Variants in SLC39A11 observed in about 807,000 individuals in gnomAD.
SLC39A11 encodes zinc transporter ZIP11.
In SLC39A11, 33 loss-of-function variants were observed where a neutral mutation model predicts 36.1. The ratio of observed to expected loss-of-function variants is 0.91; its 90% CI spans 0.69 to 1.22. The LOEUF (loss-of-function observed/expected upper bound fraction) is 1.22, where lower values mean the gene tolerates loss of function less well. Among genes scored for constraint, SLC39A11 ranks in the 50% most tolerant of loss-of-function variants. SLC39A11 has a pLI of 0.00. For synonymous variants in SLC39A11, 166 were observed against 170.3 expected (o/e 0.97, Z 0.20); for missense variants, 432 against 430.3 (o/e 1.00, Z -0.03).
intron 3 of SLC39A11, among the ~76,000 whole-genome samples, chr17:73,037,101 G>A (rs898338000): frequency 2.6e-5 from 4 of 152,160 alleles, no homozygotes; most frequent in African/African-American, 9.7e-5. Context: ...CTATTGTCTG[G>A]ATGTACCACA....
intron 6 of SLC39A11, among the ~76,000 whole-genome samples, chr17:72,816,872 C>A (rs538822386): frequency 6.6e-6 from 1 of 152,162 alleles, no homozygotes; most frequent in African/African-American, 2.4e-5. Flanking sequence ...GTTCTTTTTC[C>A]AAAAGTAAAA....
chr17:72,799,777 C>T (rs78959771), intron 6 of SLC39A11, among the ~76,000 whole-genome samples: 2 of 151,776 alleles, frequency 1.3e-5, no homozygotes, highest in African/African-American at 4.8e-5. Flanking sequence ...AATATGTGCA[C>T]CGCTGAACAC....
At chr17:72,727,616 C>CACTCCAGCCTGGGTGAAAGAGTGAG (rs561269177) in intron 7 of SLC39A11, among the ~76,000 whole-genome samples, 1,529 of 144,334 alleles carry the variant, frequency 0.011, 15 homozygotes, top group Middle Eastern at 0.024. Flanking sequence ...CGTGCCACTG[C>CACTCCAGCCTGGGTGAAAGAGTGAG]ACTCCAGCCT....
chr17:73,008,102 C>CA (rs540317377), intron 4 of SLC39A11, among the ~76,000 whole-genome samples: 683 of 50,960 alleles, frequency 0.013, 6 homozygotes, highest in African/African-American at 0.025. Flanking sequence ...GACTCAGTCT[C>CA]AAAAAAAAGA....
chr17:72,772,619 G>A (rs897945723), intron 6 of SLC39A11, among the ~76,000 whole-genome samples: 5 of 152,212 alleles, frequency 3.3e-5, no homozygotes, highest in African/African-American at 1.2e-4. Flanking sequence ...AGGAGGTATA[G>A]GCTTCCTGTA....
chr17:73,034,704 TC>T (rs2058848128), intron 3 of SLC39A11, among the ~76,000 whole-genome samples: 1 of 152,110 alleles, frequency 6.6e-6, no homozygotes, highest in African/African-American at 2.4e-5. Context: ...TTGAGAGACG[TC>T]CCCAACCTCT....
chr17:72,984,651 C>T (rs1348133530), intron 4 of SLC39A11, among the ~76,000 whole-genome samples: 1 of 152,198 alleles, frequency 6.6e-6, no homozygotes, highest in Non-Finnish European at 1.5e-5. Flanking sequence ...GCAAGACCTC[C>T]AGGGGATTCT....
chr17:72,690,714 T>C (rs544886573), intron 7 of SLC39A11, among the ~76,000 whole-genome samples: 1 of 152,226 alleles, frequency 6.6e-6, no homozygotes, highest in Admixed American at 6.5e-5. Flanking sequence ...ATGCACCCTG[T>C]GGTGGTGGGA....
intron 6 of SLC39A11, among the ~76,000 whole-genome samples, chr17:72,819,453 G>C: frequency 6.6e-6 from 1 of 151,346 alleles, no homozygotes; most frequent in Non-Finnish European, 1.5e-5. Context: ...GTGGCCATTT[G>C]TTCCATAAGC....
intron 5 of SLC39A11, among the ~76,000 whole-genome samples, chr17:72,852,801 C>A (rs377674363): frequency 1.3e-5 from 2 of 152,318 alleles, no homozygotes; most frequent in East Asian, 3.9e-4. Flanking sequence ...TTCAAGCTCA[C>A]AAATGCTAAA....
chr17:72,800,303 ATTTTTTT>A (rs34172959), intron 6 of SLC39A11, among the ~76,000 whole-genome samples: 5 of 90,368 alleles, frequency 5.5e-5, no homozygotes, highest in East Asian at 2.8e-4. Context: ...ACCTACAATA[ATTTTTTT>A]TTTTTTTTTT....
At chr17:72,826,545 G>C (rs948665696) in intron 6 of SLC39A11, among the ~76,000 whole-genome samples, 1 of 152,088 alleles carries the variant, frequency 6.6e-6, no homozygotes, top group Non-Finnish European at 1.5e-5. Flanking sequence ...TTTAGAAAAG[G>C]GTTAAAATCA....
chr17:72,790,677 A>T (rs2076671600), intron 6 of SLC39A11, among the ~76,000 whole-genome samples: 1 of 151,908 alleles, frequency 6.6e-6, no homozygotes, highest in Non-Finnish European at 1.5e-5. Flanking sequence ...GATTACAGGC[A>T]TGTGCCACCA....
At chr17:72,766,321 A>G (rs1237570820) in intron 6 of SLC39A11, among the ~76,000 whole-genome samples, 2 of 152,212 alleles carry the variant, frequency 1.3e-5, no homozygotes, top group African/African-American at 2.4e-5. Context: ...CCATCGCCCA[A>G]AGGGGTATAT....
chr17:72,682,760 A>G (rs1195019442), intron 7 of SLC39A11, among the ~76,000 whole-genome samples: 1 of 152,192 alleles, frequency 6.6e-6, no homozygotes, highest in African/African-American at 2.4e-5. Context: ...AGTGGTTTCC[A>G]CTGTAAAGGA....
intron 6 of SLC39A11, among the ~76,000 whole-genome samples, chr17:72,798,958 C>T (rs1256125610): frequency 1.3e-5 from 2 of 151,576 alleles, no homozygotes; most frequent in African/African-American, 4.9e-5. Flanking sequence ...TCTGAGAGGG[C>T]ACAAGAAGGC....
intron 5 of SLC39A11, among the ~76,000 whole-genome samples, chr17:72,884,508 A>G (rs1406998119): frequency 6.6e-6 from 1 of 152,198 alleles, no homozygotes; most frequent in Admixed American, 6.5e-5. Context: ...TTAATGTTCA[A>G]TACAAAGAAA....
chr17:73,020,161 A>G lies in SLC39A11; in HGVS notation c.306+11395T>C, dbSNP rs1365643219. Reference sequence around the variant, plus strand: ...GGGACAGAATGTCCTCGCATTCTTTATATCAGGTGTTACAAACAGAATATT... The same window carrying G: ...GGGACAGAATGTCCTCGCATTCTTTGTATCAGGTGTTACAAACAGAATATT... On this transcript the variant is annotated intron_variant, in intron 4 of 9. Transcript: ENST00000255559. Among the ~76,000 whole-genome samples the G allele has an allele frequency of 4.6e-5, 7 of 152,234 alleles. No homozygotes were observed. The South Asian group carries it at 8.3e-4, about 18-fold the overall frequency.
intron 7 of SLC39A11, among the ~76,000 whole-genome samples, chr17:72,727,532 C>A (rs986529759): frequency 6.6e-5 from 10 of 151,676 alleles, no homozygotes; most frequent in African/African-American, 2.4e-4. Context: ...GGTGCCTGTA[C>A]TCCCAGCTAC....
Sources: gnomAD v4.1 joint callset for allele counts (sites outside exome capture counted in the v4.1 genomes callset) on GRCh38, gnomAD v4.1.1 for gene constraint, MANE v1.5 for transcripts, NCBI Gene and HGNC (gene_info 2026-07-23, HGNC 2026-07-21) for gene names.